NELL1: variants seen among roughly 807,000 people sequenced by gnomAD.
NELL1 encodes neural EGFL like 1.
Under a neutral mutation model 107.4 loss-of-function variants are expected in NELL1, and 76 were observed. That is an observed-to-expected ratio of 0.71 (90% CI 0.59 to 0.86). The LOEUF (loss-of-function observed/expected upper bound fraction) is 0.86. Ranked by LOEUF, NELL1 falls within the 40% of genes least tolerant of loss-of-function variation. NELL1 has a pLI of 0.00. For synonymous variants in NELL1, 353 were observed against 341.2 expected, an observed-to-expected ratio of 1.03 and a Z score of -0.38; for missense variants, 1,024 against 1,005.5, an observed-to-expected ratio of 1.02 and a Z score of -0.25.
rs868133086 is a variant in NELL1, at chr11:21,551,851, G to A, written c.1787-8338G>A. On this transcript the variant is annotated intron_variant, in intron 16 of 19. Coordinates refer to ENST00000357134, the MANE Select transcript of NELL1 (RefSeq NM_006157.5). The stretch of plus-strand genomic sequence containing the variant: ...ACACATGCACACGTATGTTTATTGC[G>A]GCACTATTCACAATAGCAAAGACTT... 4.2e-4 allele frequency among the ~76,000 whole-genome samples: 63 copies of A among 150,494 alleles called. No homozygotes were observed. In the Middle Eastern group the frequency reaches 0.017, roughly 41 times the overall value.
At chr11:21,083,322 G>A (rs767528989) in intron 12 of NELL1, among the ~76,000 whole-genome samples, 3 of 152,138 alleles carry the variant, frequency 2.0e-5, no homozygotes, top group Non-Finnish European at 4.4e-5. Context: ...GGGTATAGGG[G>A]TGTTTTGCCC....
chr11:21,567,734 G>C (rs527391419), intron 17 of NELL1, among the ~76,000 whole-genome samples: 14 of 151,936 alleles, frequency 9.2e-5, no homozygotes, highest in Non-Finnish European at 1.6e-4. Flanking sequence ...TAAAGACCCT[G>C]AGGGCAAGTC....
chr11:21,459,522 G>A (rs1054574436), intron 15 of NELL1, among the ~76,000 whole-genome samples: 1 of 151,922 alleles, frequency 6.6e-6, no homozygotes, highest in African/African-American at 2.4e-5. Context: ...GCTGGGTCAG[G>A]GGCATAGTGA....
intron 17 of NELL1, among the ~76,000 whole-genome samples, chr11:21,561,810 G>C (rs1263739105): frequency 6.6e-6 from 1 of 151,892 alleles, no homozygotes; most frequent in African/African-American, 2.4e-5. Context: ...TCCTTCAAGG[G>C]GTTTTGAAGT....
At chr11:21,328,887 G>A (rs1037327371) in intron 14 of NELL1, among the ~76,000 whole-genome samples, 10 of 152,112 alleles carry the variant, frequency 6.6e-5, no homozygotes, top group African/African-American at 2.4e-4. Flanking sequence ...TTTTTAATGG[G>A]TGTATTTACC....
At chr11:21,050,986 C>T (rs1291095806) in intron 12 of NELL1, among the ~76,000 whole-genome samples, 3 of 152,132 alleles carry the variant, frequency 2.0e-5, no homozygotes, top group Non-Finnish European at 4.4e-5. Flanking sequence ...CTCATATAGA[C>T]ACCTTTCTCA....
chr11:21,087,387 G>GA (rs61212226), intron 12 of NELL1, among the ~76,000 whole-genome samples: 14 of 148,484 alleles, frequency 9.4e-5, no homozygotes, highest in Non-Finnish European at 1.9e-4. Flanking sequence ...GATCTGAAAA[G>GA]AAAAAAAAAA....
intron 12 of NELL1, among the ~76,000 whole-genome samples, chr11:21,039,811 G>A (rs73460637): frequency 0.02 from 3,044 of 152,118 alleles, 107 homozygotes; most frequent in African/African-American, 0.07. Context: ...GCAGTTTGAG[G>A]TCATTCTGGA....
intron 7 of NELL1, among the ~76,000 whole-genome samples, chr11:20,919,591 C>T (rs1439614464): frequency 6.6e-6 from 1 of 151,926 alleles, no homozygotes; most frequent in East Asian, 1.9e-4. Flanking sequence ...ACTGTAGATT[C>T]CATGGGAGTG....
intron 15 of NELL1, among the ~76,000 whole-genome samples, chr11:21,445,376 G>T (rs902920960): frequency 5.4e-5 from 4 of 73,856 alleles, no homozygotes; most frequent in African/African-American, 1.2e-4. Context: ...GCCCAGGCTG[G>T]AGTGCAATAG....
intron 3 of NELL1, among the ~76,000 whole-genome samples, chr11:20,802,552 GT>G: frequency 6.6e-6 from 1 of 151,942 alleles, no homozygotes; most frequent in Admixed American, 6.6e-5. Context: ...ATTGTATATC[GT>G]TTGTTTCTTT....
chr11:21,510,598 TGG>T (rs1040875587), intron 15 of NELL1, among the ~76,000 whole-genome samples: 4 of 152,206 alleles, frequency 2.6e-5, no homozygotes, highest in Non-Finnish European at 4.4e-5. Flanking sequence ...TGATCCAGCC[TGG>T]CAGTATATGT....
chr11:20,945,274 C>A (rs533455445), intron 10 of NELL1, among the ~76,000 whole-genome samples: 1 of 152,262 alleles, frequency 6.6e-6, no homozygotes, highest in African/African-American at 2.4e-5. Flanking sequence ...TCAAACATAC[C>A]GTAATCCCAC....
chr11:21,033,382 C>T (rs1284595637), intron 12 of NELL1, among the ~76,000 whole-genome samples: 1 of 152,074 alleles, frequency 6.6e-6, no homozygotes, highest in Non-Finnish European at 1.5e-5. Context: ...TCCTTTCCCT[C>T]CTCCCACCCT....
chr11:20,836,713 A>G (rs973871184), intron 3 of NELL1, among the ~76,000 whole-genome samples: 1 of 152,120 alleles, frequency 6.6e-6, no homozygotes, highest in Non-Finnish European at 1.5e-5. Flanking sequence ...ATACTGTATC[A>G]TTCCATTTAT....
intron 13 of NELL1, among the ~76,000 whole-genome samples, chr11:21,150,810 G>A (rs1481538046): frequency 6.6e-6 from 1 of 152,062 alleles, no homozygotes; most frequent in Non-Finnish European, 1.5e-5. Flanking sequence ...CCTGATACTG[G>A]GTAATTTATG....
intron 16 of NELL1, among the ~76,000 whole-genome samples, chr11:21,559,061 G>A (rs1856790497): frequency 6.6e-6 from 1 of 152,026 alleles, no homozygotes; most frequent in Non-Finnish European, 1.5e-5. Flanking sequence ...GAAATGTCTT[G>A]ACTAAAGCTA....
At chr11:21,169,767 C>T (rs1006590004) in intron 13 of NELL1, 113 of 1,214,130 alleles carry the variant, frequency 9.3e-5, no homozygotes, top group African/African-American at 1.7e-4. Flanking sequence ...ATTGAGGTGG[C>T]GGTGGAGTCC....
rs1242524236 is a variant in NELL1 at position 20,817,795 on chromosome 11, C to T, written c.336-29788C>T. On this transcript the variant is annotated intron_variant, in intron 3 of 19. Coordinates refer to ENST00000357134, the MANE Select transcript of NELL1 (RefSeq NM_006157.5). ...TTCCTCTTTATACTGCTTTTGCTTC[C>T]TCCCAGATATTTTGATATGTTGTGT... 1.1e-4 allele frequency among the ~76,000 whole-genome samples: 16 copies of T among 151,036 alleles called. No homozygotes were observed. In the Admixed American group the frequency reaches 1.1e-3, roughly 10 times the overall value.
Sources: allele counts gnomAD v4.1 joint callset (sites outside exome capture counted in the v4.1 genomes callset), GRCh38; gene constraint gnomAD v4.1.1; transcripts MANE v1.5; gene names NCBI Gene and HGNC (gene_info 2026-07-23, HGNC 2026-07-21).